The following RNF216 variants were observed in gnomAD, a reference collection of about 807,000 sequenced individuals.
The protein encoded by RNF216 is ring finger protein 216.
A neutral mutation model predicts 110.8 loss-of-function variants in RNF216; 72 were observed. That is an observed-to-expected ratio of 0.65 (90% confidence interval 0.54 to 0.79). RNF216 has a LOEUF of 0.79. RNF216 is among the 30% of genes least tolerant of loss of function. RNF216 has a pLI of 0.00. For missense variants in RNF216, 1,342 were observed against 1,141.2 expected (o/e 1.18, Z -2.54); for synonymous variants, 495 against 407.5 (o/e 1.21, Z -2.59).
chr7:5,780,945 C>G (rs1256278403), intron 1 of RNF216, among the ~76,000 whole-genome samples: 1 of 152,230 alleles, frequency 6.6e-6, no homozygotes, highest in East Asian at 1.9e-4. Flanking sequence ...GGGACAGCGG[C>G]CTCGCTCGCT....
chr7:5,676,021 CT>C (rs112746518), intron 13 of RNF216, among the ~76,000 whole-genome samples: 27,021 of 145,386 alleles, frequency 0.19, 4,391 homozygotes, highest in African/African-American at 0.44. Flanking sequence ...CTTCTTTTTT[CT>C]TTTTTTTTTT....
intron 9 of RNF216, among the ~76,000 whole-genome samples, chr7:5,719,312 G>A (rs1321286564): frequency 6.6e-6 from 1 of 152,214 alleles, no homozygotes; most frequent in Non-Finnish European, 1.5e-5. Flanking sequence ...GAGGTAGGTT[G>A]AAGCAGTAAG....
At chr7:5,714,576 G>C (rs1243346625) in intron 11 of RNF216, among the ~76,000 whole-genome samples, 1 of 152,140 alleles carries the variant, frequency 6.6e-6, no homozygotes, top group Non-Finnish European at 1.5e-5. Context: ...CTTAATCACT[G>C]TGTTAGTTTT....
intron 13 of RNF216, among the ~76,000 whole-genome samples, chr7:5,678,684 C>T (rs1407662504): frequency 1.3e-5 from 2 of 152,252 alleles, no homozygotes; most frequent in Non-Finnish European, 2.9e-5. Context: ...ACAACTGTGC[C>T]TCCTGGGCCT....
In RNF216 at chr7:5,739,345, C is replaced by G; in HGVS notation, c.1052G>C (p.Arg351Thr). 3 of 1,595,946 alleles carry G rather than the reference C, an allele frequency of 1.9e-6. No homozygotes were observed. Among genetic ancestry groups the G allele is most frequent in the Non-Finnish European group, 2.6e-6 (3 of 1,174,478 alleles). The change falls in exon 5 of 17, where the codon AGA (arginine) becomes ACA (threonine). Residue 351 changes from arginine to threonine, a missense_variant. Transcript: ENST00000389902. ...VELLVKETEA[R>T]FPDVANGFIE... is the part of the protein sequence containing the mutation. ...AAACCCATTTGCTACATCTGGAAAT[C>G]TTGCTTCCTAGAAACAAATAAGAAC...
At chr7:5,748,120 G>A (rs1264768334) in intron 3 of RNF216, among the ~76,000 whole-genome samples, 1 of 152,150 alleles carries the variant, frequency 6.6e-6, no homozygotes, top group African/African-American at 2.4e-5. Flanking sequence ...TTACAACCCA[G>A]AAACCCACTA....
At chr7:5,724,300 G>C (rs1312088046) in intron 8 of RNF216, among the ~76,000 whole-genome samples, 1 of 152,178 alleles carries the variant, frequency 6.6e-6, no homozygotes, top group Non-Finnish European at 1.5e-5. Flanking sequence ...TACAACCATG[G>C]CAGGACATTT....
At position 5,620,289 on chromosome 7, in the gene RNF216, TAAG is replaced by T. The variant is rs879452153; in HGVS notation, c.*2568_*2570del. 3 of 152,176 alleles carry T rather than the reference TAAG, an allele frequency of 2.0e-5. No homozygotes were observed. The highest frequency in any genetic ancestry group is 2.9e-5 in the Non-Finnish European group (2 of 68,022). 9.4% of individuals were successfully genotyped at this position (152,176 alleles called of 1,614,324 possible). On this transcript the variant is annotated 3_prime_UTR_variant, in exon 17 of 17. Coordinates refer to ENST00000389902, the MANE Select transcript of RNF216 (RefSeq NM_207111.4). ...TTCCTCTCTCCAGTTTTAAGGCAAG[TAAG>T]AGGGGGCTGTGGCTGGGGAGCCTCA...
At chr7:5,681,733 A>G (rs1170947960) in intron 13 of RNF216, among the ~76,000 whole-genome samples, 1 of 152,182 alleles carries the variant, frequency 6.6e-6, no homozygotes, top group Admixed American at 6.5e-5. Flanking sequence ...CTGCGAAACC[A>G]CACTGCTCAG....
intron 13 of RNF216, among the ~76,000 whole-genome samples, chr7:5,709,431 CGTT>C (rs1385830092): frequency 1.3e-5 from 2 of 152,150 alleles, no homozygotes; most frequent in African/African-American, 4.8e-5. Context: ...ATGGTCCTTC[CGTT>C]GTTGTTGAAC....
At chr7:5,718,306 A>G (rs1211042802) in intron 9 of RNF216, among the ~76,000 whole-genome samples, 10 of 152,080 alleles carry the variant, frequency 6.6e-5, no homozygotes. Flanking sequence ...CCTTGAACCC[A>G]GGAGTCAGAC....
intron 3 of RNF216, among the ~76,000 whole-genome samples, chr7:5,747,004 G>C (rs890094656): frequency 2.6e-5 from 4 of 152,120 alleles, no homozygotes; most frequent in African/African-American, 9.7e-5. Flanking sequence ...AGAAACGCAA[G>C]ATTACCTCCC....
chr7:5,671,506 A>G (rs78201006), intron 13 of RNF216, among the ~76,000 whole-genome samples: 1,896 of 152,214 alleles, frequency 0.012, 54 homozygotes, highest in African/African-American at 0.044. Context: ...TGATAGCCTT[A>G]TAAGAAGGAC....
chr7:5,719,106 C>T (rs1793248769), intron 9 of RNF216, among the ~76,000 whole-genome samples: 1 of 152,128 alleles, frequency 6.6e-6, no homozygotes, highest in Admixed American at 6.5e-5. Flanking sequence ...GTTGGCAGGG[C>T]ATGGTGGTGC....
intron 13 of RNF216, among the ~76,000 whole-genome samples, chr7:5,693,704 C>T (rs1273539841): frequency 6.6e-6 from 1 of 152,094 alleles, no homozygotes; most frequent in South Asian, 2.1e-4. Flanking sequence ...AAAGCTGCTC[C>T]CTGTGCTTGT....
intron 13 of RNF216, among the ~76,000 whole-genome samples, chr7:5,655,980 TG>T (rs1489459236): frequency 6.6e-6 from 1 of 151,936 alleles, no homozygotes; most frequent in Non-Finnish European, 1.5e-5. Flanking sequence ...CTCAGCCTCC[TG>T]GGTAGCTGAG....
chr7:5,701,389 T>C (rs1425534603), intron 13 of RNF216, among the ~76,000 whole-genome samples: 1 of 152,188 alleles, frequency 6.6e-6, no homozygotes, highest in East Asian at 1.9e-4. Context: ...TTCACAAAAC[T>C]GGAGGCAGTT....
chr7:5,644,871 C>CT (rs1787961782), intron 14 of RNF216, among the ~76,000 whole-genome samples: 1 of 146,982 alleles, frequency 6.8e-6, no homozygotes, highest in Admixed American at 6.9e-5. Flanking sequence ...GTTGCCCAGG[C>CT]TGGAGTGCAG....
At chr7:5,732,796 C>G (rs1266843916) in intron 5 of RNF216, among the ~76,000 whole-genome samples, 1 of 152,204 alleles carries the variant, frequency 6.6e-6, no homozygotes, top group Middle Eastern at 3.2e-3. Flanking sequence ...CTTCATATGA[C>G]CTCATGTTTG....
Sources: allele counts gnomAD v4.1 joint callset (sites outside exome capture counted in the v4.1 genomes callset), GRCh38; gene constraint gnomAD v4.1.1; transcripts MANE v1.5; gene names NCBI Gene and HGNC (gene_info 2026-07-23, HGNC 2026-07-21).